CNTNAP2: variants seen among roughly 807,000 people sequenced by gnomAD.
CNTNAP2 encodes contactin associated protein 2.
Under a neutral mutation model 155.2 loss-of-function variants are expected in CNTNAP2, and 98 were observed. That is an observed-to-expected ratio of 0.63 (90% CI 0.54 to 0.75). The LOEUF (loss-of-function observed/expected upper bound fraction) is 0.75, where lower values mean the gene tolerates loss of function less well. CNTNAP2 is among the 30% of genes least tolerant of loss of function. The pLI, the probability that CNTNAP2 is intolerant of heterozygous loss-of-function variation, is 0.00. For missense variants in CNTNAP2, 1,727 were observed against 1,688.1 expected (o/e 1.02, Z -0.40); for synonymous variants, 651 against 631.2 (o/e 1.03, Z -0.47).
At chr7:147,859,323 A>G (rs1799098339) in intron 13 of CNTNAP2, among the ~76,000 whole-genome samples, 1 of 151,990 alleles carries the variant, frequency 6.6e-6, no homozygotes, top group African/African-American at 2.4e-5. Flanking sequence ...ATCTCATGAG[A>G]TCACCAAGGA....
chr7:146,381,677 C>T (rs887263729), intron 1 of CNTNAP2, among the ~76,000 whole-genome samples: 2 of 151,960 alleles, frequency 1.3e-5, no homozygotes, highest in African/African-American at 4.8e-5. Context: ...GTTCAAAGAC[C>T]TATATCAGTT....
At chr7:147,205,182 C>T (rs1382590086) in intron 8 of CNTNAP2, among the ~76,000 whole-genome samples, 1 of 152,056 alleles carries the variant, frequency 6.6e-6, no homozygotes, top group African/African-American at 2.4e-5. Context: ...GTTCTCCCAT[C>T]ACCAGAGTAG....
intron 20 of CNTNAP2, among the ~76,000 whole-genome samples, chr7:148,242,897 GC>G (rs987585460): frequency 9.9e-5 from 15 of 152,146 alleles, no homozygotes; most frequent in African/African-American, 3.6e-4. Context: ...CCCAGTGGTC[GC>G]TTGGTGAGCT....
intron 1 of CNTNAP2, among the ~76,000 whole-genome samples, chr7:146,343,954 TATC>T (rs1431023307): frequency 2.0e-5 from 3 of 152,124 alleles, no homozygotes; most frequent in South Asian, 2.1e-4. Flanking sequence ...ATAAATATTT[TATC>T]ATAGTTTTCT....
At chr7:146,734,212 A>C (rs1035907216) in intron 1 of CNTNAP2, among the ~76,000 whole-genome samples, 5 of 152,040 alleles carry the variant, frequency 3.3e-5, no homozygotes, top group Non-Finnish European at 5.9e-5. Context: ...TTTTTCCTAT[A>C]TTTGACCCCA....
intron 3 of CNTNAP2, among the ~76,000 whole-genome samples, chr7:146,861,316 G>T (rs900943630): frequency 6.6e-6 from 1 of 152,088 alleles, no homozygotes; most frequent in African/African-American, 2.4e-5. Flanking sequence ...GCCTCCCAAA[G>T]TGCTGGGACT....
intron 12 of CNTNAP2, among the ~76,000 whole-genome samples, chr7:147,583,369 A>G (rs1246085500): frequency 1.3e-5 from 2 of 151,706 alleles, no homozygotes; most frequent in East Asian, 3.9e-4. Flanking sequence ...GCTGGATAAA[A>G]TTCCTCTCCA....
chr7:147,516,869 G>A (rs572301632), intron 11 of CNTNAP2, among the ~76,000 whole-genome samples: 102 of 112,010 alleles, frequency 9.1e-4, no homozygotes, highest in Non-Finnish European at 1.5e-3. Context: ...TTTTTTTTGC[G>A]TGTGTGTGTG....
At chr7:148,405,895 A>AT (rs1269682417) in intron 22 of CNTNAP2, among the ~76,000 whole-genome samples, 1 of 151,728 alleles carries the variant, frequency 6.6e-6, no homozygotes, top group African/African-American at 2.4e-5. Context: ...TACCATTGTA[A>AT]TTTTTTATCA....
intron 1 of CNTNAP2, among the ~76,000 whole-genome samples, chr7:146,227,136 A>T (rs558861114): frequency 1.3e-5 from 2 of 152,208 alleles, no homozygotes; most frequent in South Asian, 2.1e-4. Flanking sequence ...ATAGAAAAAA[A>T]CTTTAGGGGC....
intron 8 of CNTNAP2, among the ~76,000 whole-genome samples, chr7:147,281,130 A>G (rs1805024482): frequency 6.6e-6 from 1 of 151,964 alleles, no homozygotes; most frequent in African/African-American, 2.4e-5. Flanking sequence ...TTTGATGTTC[A>G]CATATAACTT....
chr7:146,691,362 C>T (rs1800694459), intron 1 of CNTNAP2, among the ~76,000 whole-genome samples: 2 of 152,114 alleles, frequency 1.3e-5, no homozygotes, highest in South Asian at 4.1e-4. Flanking sequence ...GCGTTTAATA[C>T]CTAGCATGCA....
intron 15 of CNTNAP2, among the ~76,000 whole-genome samples, chr7:148,021,127 A>C (rs1165544859): frequency 6.6e-6 from 1 of 152,228 alleles, no homozygotes; most frequent in Non-Finnish European, 1.5e-5. Flanking sequence ...AATAATGGCA[A>C]TATGATTGGA....
At chr7:146,670,630 G>A (rs1297065173) in intron 1 of CNTNAP2, among the ~76,000 whole-genome samples, 1 of 152,162 alleles carries the variant, frequency 6.6e-6, no homozygotes, top group African/African-American at 2.4e-5. Flanking sequence ...TCCTCAGAAT[G>A]AGTATATTCT....
intron 13 of CNTNAP2, among the ~76,000 whole-genome samples, chr7:147,717,896 T>C (rs1474358404): frequency 6.6e-6 from 1 of 151,594 alleles, no homozygotes; most frequent in Non-Finnish European, 1.5e-5. Flanking sequence ...CATAAATACA[T>C]AGCAATGTAA....
intron 8 of CNTNAP2, among the ~76,000 whole-genome samples, chr7:147,224,260 C>A (rs1315120612): frequency 1.3e-5 from 2 of 152,104 alleles, no homozygotes; most frequent in Non-Finnish European, 2.9e-5. Flanking sequence ...ACATGAAGAA[C>A]CAGAAACTAC....
intron 1 of CNTNAP2, among the ~76,000 whole-genome samples, chr7:146,136,830 G>A (rs143531247): frequency 7.2e-4 from 110 of 152,258 alleles, no homozygotes; most frequent in Middle Eastern, 3.4e-3. Context: ...TTGGGTTTAC[G>A]TTGCTTTGCT....
chr7:146,358,609 T>G (rs1391408127), intron 1 of CNTNAP2, among the ~76,000 whole-genome samples: 1 of 152,192 alleles, frequency 6.6e-6, no homozygotes, highest in Non-Finnish European at 1.5e-5. Context: ...CGTATTAATA[T>G]GTATAGAATT....
chr7:147,994,331 A>T (rs1423831247), intron 15 of CNTNAP2, among the ~76,000 whole-genome samples: 1 of 151,544 alleles, frequency 6.6e-6, no homozygotes, highest in East Asian at 1.9e-4. Flanking sequence ...TGATTGTGCC[A>T]CTGCACTACA....
Sources: gnomAD v4.1 joint callset for allele counts (sites outside exome capture counted in the v4.1 genomes callset) on GRCh38, gnomAD v4.1.1 for gene constraint, MANE v1.5 for transcripts, NCBI Gene and HGNC (gene_info 2026-07-23, HGNC 2026-07-21) for gene names.